Variants in ZFHX3 observed in about 807,000 individuals in gnomAD.
The protein encoded by ZFHX3 is zinc finger homeobox 3, also known as zinc finger homeobox protein 3.
Under a neutral mutation model 279.1 loss-of-function variants are expected in ZFHX3, and 42 were observed. The observed-to-expected ratio is 0.15, with a 90% confidence interval of 0.12 to 0.19. The LOEUF (loss-of-function observed/expected upper bound fraction) is 0.19. Among genes scored for constraint, ZFHX3 ranks in the 10% least tolerant of loss-of-function variants. ZFHX3 has a pLI of 1.00. For synonymous variants in ZFHX3, 2,293 were observed against 1,957.8 expected (o/e 1.17, Z -4.52); for missense variants, 4,981 against 4,754.0 (o/e 1.05, Z -1.40).
chr16:73,865,833 A>G (rs181951914), intron 1 of ZFHX3, among the ~76,000 whole-genome samples: 380 of 151,954 alleles, frequency 2.5e-3, no homozygotes, highest in South Asian at 6.5e-3. Flanking sequence ...CAAAAAAAAA[A>G]AAATAGCCGG....
At chr16:73,766,588 AGAAGAGCT>A (rs1322325641) in intron 1 of ZFHX3, among the ~76,000 whole-genome samples, 1 of 152,214 alleles carries the variant, frequency 6.6e-6, no homozygotes, top group African/African-American at 2.4e-5. Flanking sequence ...ACAAAATTCA[AGAAGAGCT>A]GAAGCTCTGG....
chr16:72,909,182 TCATAAGA>T (rs1262532685), intron 3 of ZFHX3, among the ~76,000 whole-genome samples: 1 of 152,164 alleles, frequency 6.6e-6, no homozygotes, highest in Non-Finnish European at 1.5e-5. Flanking sequence ...TTCCTAGAAT[TCATAAGA>T]ATACAGCCTC....
Position 72,788,490 on chromosome 16 carries a change from T to A in ZFHX3, c.9786A>T (p.Gly3262=), listed in dbSNP as rs377573395. ...EPLPVPKKEK[G]EAPTATAATI... ...TGGCTGCAGTTGCCGTGGGGGCCTC[T>A]CCTTTCTCCTTCTTGGGGACAGGCA... Residue 3262 remains glycine, a synonymous_variant, in exon 10 of 10, where the codon GGA becomes GGT. Coordinates refer to ENST00000268489, the MANE Select transcript of ZFHX3 (RefSeq NM_006885.4). The A allele has an allele frequency of 4.3e-5, 70 of 1,614,074 alleles. No individual in the cohort carries two copies. Among genetic ancestry groups the A allele is most frequent in the Non-Finnish European group, 5.2e-5 (61 of 1,180,036 alleles).
At chr16:73,614,769 CT>C (rs199689879) in intron 2 of ZFHX3, among the ~76,000 whole-genome samples, 2 of 150,996 alleles carry the variant, frequency 1.3e-5, no homozygotes, top group Admixed American at 6.6e-5. Flanking sequence ...CCTTCTTCTT[CT>C]TTTTTTTTGA....
intron 5 of ZFHX3, among the ~76,000 whole-genome samples, chr16:73,186,224 T>A (rs1453227044): frequency 6.6e-6 from 1 of 152,134 alleles, no homozygotes; most frequent in Non-Finnish European, 1.5e-5. Context: ...GGAACATGCT[T>A]GAATCACCCC....
chr16:73,834,032 T>C (rs149026111), intron 1 of ZFHX3, among the ~76,000 whole-genome samples: 61 of 152,192 alleles, frequency 4.0e-4, no homozygotes, highest in African/African-American at 1.3e-3. Flanking sequence ...ATATAGTCTA[T>C]TGATGCACTA....
intron 5 of ZFHX3, among the ~76,000 whole-genome samples, chr16:73,189,803 G>A (rs1967988939): frequency 6.6e-6 from 1 of 152,144 alleles, no homozygotes; most frequent in Non-Finnish European, 1.5e-5. Context: ...TGGTGAAAGT[G>A]TAAGGACTGG....
chr16:73,013,043 G>C (rs1480522633), intron 1 of ZFHX3, among the ~76,000 whole-genome samples: 1 of 152,140 alleles, frequency 6.6e-6, no homozygotes, highest in Non-Finnish European at 1.5e-5. Flanking sequence ...CTAGCAACTG[G>C]ACATTTCATC....
In ZFHX3 at chr16:72,939,662, C is replaced by T. The variant is rs145539971; in HGVS notation, c.3216+10807G>A. On this transcript the variant is annotated intron_variant, in intron 3 of 9. Coordinates refer to ENST00000268489, the MANE Select transcript of ZFHX3 (RefSeq NM_006885.4). ...CAGCACTTTGGGAGGCCCAAGTGGG[C>T]GGATCACTTGAGGTCAGGAGTTCGA... 3.2e-4 allele frequency among the ~76,000 whole-genome samples: 48 copies of T among 152,280 alleles called. No individual in the cohort carries two copies. In the East Asian group the frequency reaches 7.9e-3, roughly 25 times the overall value.
chr16:73,534,642 G>A (rs936173856), intron 2 of ZFHX3, among the ~76,000 whole-genome samples: 1 of 152,168 alleles, frequency 6.6e-6, no homozygotes, highest in Non-Finnish European at 1.5e-5. Context: ...TTGAATGATA[G>A]GTGTTCTGAG....
chr16:73,382,157 T>G (rs2016827963), intron 3 of ZFHX3, among the ~76,000 whole-genome samples: 2 of 152,206 alleles, frequency 1.3e-5, no homozygotes, highest in African/African-American at 4.8e-5. Flanking sequence ...GACTTAAATG[T>G]AAAACATAAA....
chr16:73,181,094 T>G (rs1967783790), intron 5 of ZFHX3, among the ~76,000 whole-genome samples: 1 of 102,446 alleles, frequency 9.8e-6, no homozygotes, highest in African/African-American at 4.3e-5. Context: ...TGTTTTGTTT[T>G]GTTTTGTTTT....
At chr16:73,763,128 G>T (rs1051951704) in intron 1 of ZFHX3, among the ~76,000 whole-genome samples, 6 of 151,864 alleles carry the variant, frequency 4.0e-5, no homozygotes, top group Non-Finnish European at 8.8e-5. Flanking sequence ...AAGATGTTAC[G>T]AAAACAAACT....
intron 1 of ZFHX3, among the ~76,000 whole-genome samples, chr16:73,694,823 T>C (rs2053181453): frequency 6.6e-6 from 1 of 152,222 alleles, no homozygotes; most frequent in Non-Finnish European, 1.5e-5. Context: ...TGGTAACGAA[T>C]GCTGGAAGCT....
chr16:73,305,873 G>C (rs998524897), intron 4 of ZFHX3, among the ~76,000 whole-genome samples: 1 of 152,174 alleles, frequency 6.6e-6, no homozygotes, highest in Non-Finnish European at 1.5e-5. Flanking sequence ...GGCAGGAAAA[G>C]CACATAGGCC....
chr16:72,950,336 C>G, intron 3 of ZFHX3, 133 bp downstream of exon 3: 4 of 1,401,096 alleles, frequency 2.9e-6, no homozygotes, highest in Non-Finnish European at 3.8e-6. Flanking sequence ...CCTCTCAACT[C>G]CAGGTTCCCA....
intron 1 of ZFHX3, among the ~76,000 whole-genome samples, chr16:72,984,748 G>A (rs556780307): frequency 7.9e-5 from 12 of 152,232 alleles, no homozygotes; most frequent in Admixed American, 2.0e-4. Context: ...TGAGGACCCC[G>A]TGATGGTCTT....
At chr16:73,397,010 C>T (rs1277208348) in intron 3 of ZFHX3, among the ~76,000 whole-genome samples, 1 of 152,216 alleles carries the variant, frequency 6.6e-6, no homozygotes, top group African/African-American at 2.4e-5. Flanking sequence ...AGTGTGGAAG[C>T]AGCATAAGGA....
intron 1 of ZFHX3, among the ~76,000 whole-genome samples, chr16:73,841,680 C>T (rs1246358819): frequency 6.6e-6 from 1 of 152,118 alleles, no homozygotes; most frequent in East Asian, 1.9e-4. Context: ...TGGAGAAGAG[C>T]AGAGGCACGG....
Sources: gnomAD v4.1 joint callset for allele counts (sites outside exome capture counted in the v4.1 genomes callset) on GRCh38, gnomAD v4.1.1 for gene constraint, MANE v1.5 for transcripts, NCBI Gene and HGNC (gene_info 2026-07-23, HGNC 2026-07-21) for gene names.